The following CTBP1 variants were observed in gnomAD, a reference collection of about 807,000 sequenced individuals.
CTBP1 encodes C-terminal binding protein 1, also known as C-terminal-binding protein 1.
Under a neutral mutation model 42.1 loss-of-function variants are expected in CTBP1, and 11 were observed. The observed-to-expected ratio is 0.26, with a 90% CI of 0.16 to 0.43. CTBP1 has a LOEUF of 0.43. Among genes scored for constraint, CTBP1 ranks in the 20% least tolerant of loss-of-function variants. CTBP1 has a pLI of 1.00. For synonymous variants in CTBP1, 324 were observed against 277.1 expected, an observed-to-expected ratio of 1.17 and a Z score of -1.68; for missense variants, 399 against 624.3, an observed-to-expected ratio of 0.64 and a Z score of 3.85.
At chr4:1,245,799 G>A (rs966421948) in intron 1 of CTBP1, among the ~76,000 whole-genome samples, 1 of 152,046 alleles carries the variant, frequency 6.6e-6, no homozygotes. Context: ...GAGAGTTAAC[G>A]GCGGTGCCAG....
chr4:1,248,036 C>A (rs1374967373), intron 1 of CTBP1, among the ~76,000 whole-genome samples: 2 of 152,240 alleles, frequency 1.3e-5, no homozygotes, highest in Non-Finnish European at 2.9e-5. Context: ...GCCCGGGGCT[C>A]AGGCGCACGG....
intron 2 of CTBP1, among the ~76,000 whole-genome samples, chr4:1,241,020 T>C (rs1732121393): frequency 6.6e-6 from 1 of 152,186 alleles, no homozygotes; most frequent in Non-Finnish European, 1.5e-5. Context: ...GGCTCCACCC[T>C]CGTGCTGGCG....
intron 3 of CTBP1, chr4:1,237,908 T>A (rs1438788486): frequency 7.2e-6 from 5 of 691,992 alleles, no homozygotes; most frequent in Admixed American, 2.0e-5. Context: ...CTGATGGGGC[T>A]CAGGACAAAC....
Position 1,248,805 on chromosome 4 carries a change from C to T in CTBP1, c.-189+111G>A, listed in dbSNP as rs1359551992. On this transcript the variant is annotated intron_variant, in intron 1 of 9. Transcript: ENST00000382952. ...CGCGCACGCGCACTCGCACACAAAG[C>T]CGGCGGCCCGCGGGCGCGCGCTCGG... 1.2e-4 allele frequency: 112 copies of T among 939,762 alleles called. No homozygotes were observed. The East Asian group carries it at 0.012, about 98-fold the overall frequency. 58.2% of individuals were successfully genotyped at this position (939,762 alleles called of 1,614,324 possible).
chr4:1,242,468 T>C, intron 1 of CTBP1: 4 of 985,094 alleles, frequency 4.1e-6, no homozygotes, highest in Non-Finnish European at 4.8e-6. Context: ...ACCCTGGTAG[T>C]GTGCTGTGAG....
rs562949883 is a variant in CTBP1 at position 1,230,691 on chromosome 4, G to A, written c.163-2348C>T. Among the ~76,000 whole-genome samples, 8 of 152,380 alleles carry A rather than the reference G, an allele frequency of 5.3e-5. No individual in the cohort carries two copies. In the South Asian group the frequency reaches 1.7e-3, roughly 32 times the overall value. ...GAGCACTGGCCACGGGCCTCGAAAA[G>A]TCGATTCTGAACCGCGGCACGTCAC... On this transcript the variant is annotated intron_variant, in intron 3 of 9. Transcript: ENST00000382952.
chr4:1,224,222 G>T (rs1209123276), intron 5 of CTBP1, among the ~76,000 whole-genome samples: 1 of 152,186 alleles, frequency 6.6e-6, no homozygotes, highest in Non-Finnish European at 1.5e-5. Context: ...TCATGTGTAT[G>T]GTGTGATATC....
At chr4:1,222,819 C>T (rs551499265) in intron 5 of CTBP1, among the ~76,000 whole-genome samples, 6 of 152,234 alleles carry the variant, frequency 3.9e-5, no homozygotes, top group East Asian at 3.9e-4. Context: ...CCTTCAGGGC[C>T]GGGACCACAG....
At chr4:1,236,749 C>A (rs1382767744) in intron 3 of CTBP1, 10 of 686,628 alleles carry the variant, frequency 1.5e-5, no homozygotes, top group Non-Finnish European at 2.7e-5. Context: ...ACCAAGTGTC[C>A]ACCTCCTGAT....
chr4:1,212,830 C>G, intron 9 of CTBP1, 83 bp downstream of exon 9: 1 of 1,216,078 alleles, frequency 8.2e-7, no homozygotes, highest in Non-Finnish European at 1.2e-6. Context: ...GAGACGCCGC[C>G]CCTCCCACCA....
rs544456743 is a variant in CTBP1 at position 1,238,053 on chromosome 4, G to T, written c.162+130C>A. ...TGTCCACCTCCTGACGGCGCGGGACGACTGGGACAGAGGCTGCTCCTGCCC... is the reference window on the plus strand; with the variant it reads ...TGTCCACCTCCTGACGGCGCGGGACTACTGGGACAGAGGCTGCTCCTGCCC... On this transcript the variant is annotated intron_variant, in intron 3 of 9. Coordinates refer to ENST00000382952, the MANE Select transcript of CTBP1 (RefSeq NM_001012614.2). This position sits in a 1 kb window ranked among gnomAD's most constrained non-coding sequence, Gnocchi z 5.9. 1.6e-6 allele frequency: 2 copies of T among 1,240,392 alleles called. No homozygotes were observed. Among genetic ancestry groups the T allele is most frequent in the Non-Finnish European group, 2.4e-6 (2 of 850,456 alleles). The allele number at this position is 1,240,392 out of a possible 1,614,324, so 76.8% of individuals were successfully genotyped here.
At chr4:1,230,966 G>C (rs544072639) in intron 3 of CTBP1, 1 of 152,402 alleles carries the variant, frequency 6.6e-6, no homozygotes, top group East Asian at 1.9e-4. Context: ...GCCTGTGCAC[G>C]ATTCTTAATA....
chr4:1,248,672 G>C (rs1184354778), intron 1 of CTBP1: 1 of 983,160 alleles, frequency 1.0e-6, no homozygotes, highest in Non-Finnish European at 1.2e-6. Flanking sequence ...TGCACGGGCC[G>C]CGGGCGGGGA....
rs1396728371 is a variant in CTBP1 at position 1,248,901 on chromosome 4, C to G, written c.-189+15G>C. On this transcript the variant is annotated intron_variant, in intron 1 of 9. Coordinates refer to ENST00000382952, the MANE Select transcript of CTBP1 (RefSeq NM_001012614.2). ...CCCCGCCCGCGGCCGGAAACGCGCG[C>G]GCGCGCGGCCTTACCAAGCGGCAGG... 3.7e-4 allele frequency: 363 copies of G among 980,346 alleles called. No individual in the cohort carries two copies. The highest frequency in any genetic ancestry group is 4.3e-4 in the Non-Finnish European group (352 of 826,934). The allele number at this position is 980,346 out of a possible 1,614,324, so 60.7% of individuals were successfully genotyped here.
chr4:1,219,129 CTA>C (rs1430945304), intron 5 of CTBP1, among the ~76,000 whole-genome samples: 1 of 152,130 alleles, frequency 6.6e-6, no homozygotes, highest in African/African-American at 2.4e-5. Flanking sequence ...CCCAGGAGTT[CTA>C]GACCATCCTG....
chr4:1,213,467 C>T lies in CTBP1; in HGVS notation c.988+11G>A, dbSNP rs879926197. ...GACCCCCAGGCCTGACCGAGCGGCCCCCACGCCCACCTGTGATGGCTCTGC... is the reference window on the plus strand; with the variant it reads ...GACCCCCAGGCCTGACCGAGCGGCCTCCACGCCCACCTGTGATGGCTCTGC... On this transcript the variant is annotated intron_variant, in intron 8 of 9. Transcript: ENST00000382952. 1.8e-5 allele frequency: 29 copies of T among 1,608,850 alleles called. No individual in the cohort carries two copies. The Middle Eastern group carries it at 1.0e-3, about 56-fold the overall frequency.
At chr4:1,215,341 T>C (rs563550681) in intron 6 of CTBP1, among the ~76,000 whole-genome samples, 1 of 152,262 alleles carries the variant, frequency 6.6e-6, no homozygotes, top group East Asian at 1.9e-4. Flanking sequence ...ACATACAAGC[T>C]CATACAAACA....
At chr4:1,222,847 G>A (rs1729905069) in intron 5 of CTBP1, among the ~76,000 whole-genome samples, 1 of 152,118 alleles carries the variant, frequency 6.6e-6, no homozygotes, top group Non-Finnish European at 1.5e-5. Context: ...CCCCAGGAGA[G>A]ACAGGACACA....
At chr4:1,239,705 C>T (rs1436345962) in intron 2 of CTBP1, among the ~76,000 whole-genome samples, 2 of 152,244 alleles carry the variant, frequency 1.3e-5, no homozygotes, top group Non-Finnish European at 2.9e-5. Context: ...GCCGAGGGCT[C>T]CCAGTACGGC....
Sources: gnomAD v4.1 joint callset for allele counts (sites outside exome capture counted in the v4.1 genomes callset) on GRCh38, gnomAD v4.1.1 for gene constraint, Gnocchi (gnomAD v3.1) non-coding constraint, MANE v1.5 for transcripts, NCBI Gene and HGNC (gene_info 2026-07-23, HGNC 2026-07-21) for gene names.